Variants in MRTFB observed in about 807,000 individuals in gnomAD.
MRTFB encodes the protein myocardin related transcription factor B.
Under a neutral mutation model 104.2 loss-of-function variants are expected in MRTFB, and 29 were observed. The ratio of observed to expected loss-of-function variants is 0.28; its 90% CI spans 0.21 to 0.38. The LOEUF (loss-of-function observed/expected upper bound fraction) is 0.38. MRTFB is among the 10% of genes least tolerant of loss of function. The probability of loss-of-function intolerance (pLI) is 1.00; values close to 1 mark genes in which losing one functional copy is unlikely to be tolerated. For synonymous variants in MRTFB, 535 were observed against 519.5 expected (o/e 1.03, Z -0.41); for missense variants, 1,270 against 1,341.6 (o/e 0.95, Z 0.83).
At chr16:14,067,897 T>A (rs1278565431), upstream of MRTFB, among the ~76,000 whole-genome samples, 2 of 152,294 alleles carry the variant, frequency 1.3e-5, no homozygotes, top group African/African-American at 4.8e-5. Flanking sequence ...AGTGGTGTAA[T>A]CTCAGCTCAC....
At chr16:14,202,281 G>A (rs2040742558) in intron 3 of MRTFB, among the ~76,000 whole-genome samples, 1 of 152,246 alleles carries the variant, frequency 6.6e-6, no homozygotes, top group East Asian at 1.9e-4. Flanking sequence ...ATCTAACAGT[G>A]GTTACCTCTG....
Position 14,140,696 on chromosome 16 carries a change from T to C in MRTFB, c.90T>C (p.His30=). The change falls in exon 3 of 17, where the codon CAT becomes CAC. Residue 30 remains histidine (H), a synonymous_variant. Coordinates refer to ENST00000571589, the MANE Select transcript of MRTFB (RefSeq NM_001308142.2). ...GTCCTCAGAGTGAAGCTGTGGCTCATGAATTCCAGGAACTCTCCTTGCAGT... is the reference window on the plus strand; with the variant it reads ...GTCCTCAGAGTGAAGCTGTGGCTCACGAATTCCAGGAACTCTCCTTGCAGT... ...APSPQSEAVA[H]EFQELSLQSS... The C allele has an allele frequency of 8.1e-6, 13 of 1,614,138 alleles. No individual in the cohort carries two copies. The highest frequency in any genetic ancestry group is 2.2e-5 in the East Asian group (1 of 44,864).
chr16:14,064,734 G>T, the MRTFB span, among the ~76,000 whole-genome samples: 1 of 152,124 alleles, frequency 6.6e-6, no homozygotes, highest in Non-Finnish European at 1.5e-5. Flanking sequence ...CCCATTGCTT[G>T]TTTTGGTCAA....
upstream of MRTFB, among the ~76,000 whole-genome samples, chr16:14,070,937 C>A (rs574920496): frequency 6.6e-6 from 1 of 152,318 alleles, no homozygotes; most frequent in South Asian, 2.1e-4. Context: ...CTTTGGAGGG[C>A]AGTGTGAGGA....
At chr16:14,226,230 G>A (rs887175795) in intron 8 of MRTFB, among the ~76,000 whole-genome samples, 1 of 152,144 alleles carries the variant, frequency 6.6e-6, no homozygotes, top group African/African-American at 2.4e-5. Flanking sequence ...AAATCTTATG[G>A]AATCCTGAAA....
At chr16:14,212,907 C>T (rs917600887) in intron 5 of MRTFB, among the ~76,000 whole-genome samples, 1 of 152,148 alleles carries the variant, frequency 6.6e-6, no homozygotes, top group African/African-American at 2.4e-5. Context: ...ATCATACTTG[C>T]ACGTGATAAT....
chr16:14,207,463 A>G lies in MRTFB; in HGVS notation c.155-2780A>G, dbSNP rs535386149. ...AAAGTTCTCCTAAATGTCCTGAGTAATAGGAGCATCATTTGTTATACATTT... is the reference window on the plus strand; with the variant it reads ...AAAGTTCTCCTAAATGTCCTGAGTAGTAGGAGCATCATTTGTTATACATTT... On this transcript the variant is annotated intron_variant, in intron 3 of 16. Coordinates refer to ENST00000571589, the MANE Select transcript of MRTFB (RefSeq NM_001308142.2). 5.9e-5 allele frequency among the ~76,000 whole-genome samples: 9 copies of G among 152,312 alleles called. No individual in the cohort carries two copies. In the South Asian group the frequency reaches 1.9e-3, roughly 32 times the overall value.
rs189245866 is a variant in MRTFB at position 14,126,924 on chromosome 16, C to T, written c.-63-13620C>T. Among the ~76,000 whole-genome samples the T allele has an allele frequency of 2.4e-3, 366 of 152,318 alleles. 3 individuals are homozygous for T. The highest frequency in any genetic ancestry group is 8.2e-3 in the African/African-American group (342 of 41,588). On this transcript the variant is annotated intron_variant, in intron 2 of 16. Transcript: ENST00000571589. ...TACTTCATCCAGGAAACAACCGTAG[C>T]TAAAAATGAAGCCAGTGAGCAATTT...
At chr16:14,012,303 T>TA in the MRTFB span, among the ~76,000 whole-genome samples, 1 of 139,802 alleles carries the variant, frequency 7.2e-6, no homozygotes, top group Non-Finnish European at 1.5e-5. Context: ...TTCTTTCTTT[T>TA]TTTTTTTTTT....
At chr16:14,016,882 C>G in the MRTFB span, among the ~76,000 whole-genome samples, 172 of 151,380 alleles carry the variant, frequency 1.1e-3, 1 homozygote, top group African/African-American at 3.7e-3. Context: ...CAGAATTGGC[C>G]AATTAGATCA....
chr16:14,149,162 G>A (rs558120870), intron 3 of MRTFB: 5 of 152,244 alleles, frequency 3.3e-5, no homozygotes, highest in Admixed American at 3.3e-4. Context: ...TTTTATAATA[G>A]CATCAAACTG....
At position 14,247,061 on chromosome 16, in the gene MRTFB, C is replaced by T; in HGVS notation, c.1801C>T (p.Gln601Ter). The T allele has an allele frequency of 6.2e-7, 1 of 1,614,172 alleles. No individual in the cohort carries two copies. Residue 601 changes from glutamine to a stop codon, truncating the protein, a stop_gained, in exon 12 of 17, where the codon CAA (glutamine) becomes TAA (stop). Coordinates refer to ENST00000571589, the MANE Select transcript of MRTFB (RefSeq NM_001308142.2). LOFTEE classifies it high-confidence loss of function. ...EQKLVEVLKM[Q>*]LEVEKRGQQQ... ...GAAGCTCGTGGAAGTGCTGAAAATG[C>T]AACTTGAGGTTGAAAAACGAGGGCA...
At position 14,162,148 on chromosome 16, in the gene MRTFB, T is replaced by C. The variant is rs541686918; in HGVS notation, c.154+21388T>C. Among the ~76,000 whole-genome samples the C allele has an allele frequency of 3.7e-3, 362 of 99,068 alleles. 1 individual carries two copies. Among genetic ancestry groups the C allele is most frequent in the Admixed American group, 6.9e-3 (67 of 9,712 alleles). The allele number at this position is 99,068 out of a possible 152,430, so 65.0% of individuals were successfully genotyped here. Reference sequence around the variant, plus strand: ...CTGAGCAACATAGGGAGACCCTGTCTCTACAAAAAAAAAAAAAAAAAAAAA... The same window carrying C: ...CTGAGCAACATAGGGAGACCCTGTCCCTACAAAAAAAAAAAAAAAAAAAAA... On this transcript the variant is annotated intron_variant, in intron 3 of 16. Coordinates refer to ENST00000571589, the MANE Select transcript of MRTFB (RefSeq NM_001308142.2).
intron 15 of MRTFB, among the ~76,000 whole-genome samples, chr16:14,253,883 A>G (rs74765204): frequency 6.6e-6 from 1 of 152,244 alleles, no homozygotes; most frequent in African/African-American, 2.4e-5. Context: ...TAAGAAGTCA[A>G]ACAGGTGGTG....
At chr16:14,029,171 C>T in the MRTFB span, among the ~76,000 whole-genome samples, 2 of 151,616 alleles carry the variant, frequency 1.3e-5, no homozygotes, top group Admixed American at 1.3e-4. Context: ...TGTGGTGGCG[C>T]ACACCTGTGG....
intron 3 of MRTFB, among the ~76,000 whole-genome samples, chr16:14,192,243 A>G (rs1182967631): frequency 1.3e-5 from 2 of 152,082 alleles, no homozygotes; most frequent in Non-Finnish European, 2.9e-5. Context: ...GTGCTGGCTT[A>G]TAAGCCTGTA....
At chr16:14,120,365 C>G (rs1328252970) in intron 2 of MRTFB, among the ~76,000 whole-genome samples, 1 of 152,112 alleles carries the variant, frequency 6.6e-6, no homozygotes, top group East Asian at 1.9e-4. Flanking sequence ...CCTCCGTTCT[C>G]TAAGTACTTT....
intron 8 of MRTFB, 75 bp from the exon 9 acceptor site, chr16:14,234,071 C>T: frequency 6.4e-7 from 1 of 1,553,598 alleles, no homozygotes; most frequent in Admixed American, 1.8e-5. Context: ...CCAGGTCATT[C>T]CCTTGTAATT....
chr16:14,132,560 G>T (rs772348958), intron 2 of MRTFB, among the ~76,000 whole-genome samples: 6 of 152,142 alleles, frequency 3.9e-5, no homozygotes, highest in African/African-American at 9.7e-5. Context: ...TTTGGTATGT[G>T]CTCTGAGCTG....
Sources: allele counts gnomAD v4.1 joint callset (sites outside exome capture counted in the v4.1 genomes callset), GRCh38; gene constraint gnomAD v4.1.1; transcripts MANE v1.5; gene names NCBI Gene and HGNC (gene_info 2026-07-23, HGNC 2026-07-21).